The following TPD52L2 variants were observed in gnomAD, a reference collection of about 807,000 sequenced individuals.
TPD52L2 encodes TPD52 like 2.
In TPD52L2, 19 loss-of-function variants were observed where a neutral mutation model predicts 24.7. The observed-to-expected ratio is 0.77, with a 90% confidence interval of 0.54 to 1.13. TPD52L2 has a LOEUF of 1.13. Ranked by LOEUF, TPD52L2 falls within the 50% of genes most tolerant of loss-of-function variation. The pLI, the probability that TPD52L2 is intolerant of heterozygous loss-of-function variation, is 0.00. For synonymous variants in TPD52L2, 104 were observed against 100.2 expected, an observed-to-expected ratio of 1.04 and a Z score of -0.23; for missense variants, 236 against 250.4, an observed-to-expected ratio of 0.94 and a Z score of 0.39.
Position 63,869,300 on chromosome 20 carries a change from C to T in TPD52L2, c.24C>T (p.Ile8=). 6.2e-7 allele frequency: 1 copy of T among 1,614,130 alleles called. No individual in the cohort carries two copies. Among genetic ancestry groups the T allele is most frequent in the Non-Finnish European group, 8.5e-7 (1 of 1,179,992 alleles). ...GCCTCATTTTGTCTCTGGCAGATAT[C>T]AACCTGAATTCTCCTAACAAAGGTC... is the stretch of plus-strand genomic sequence containing the variant. MDSAGQD[I]NLNSPNKGLL... is the part of the protein sequence containing the mutation. Residue 8 remains isoleucine (I), a synonymous_variant, in exon 2 of 7, where the codon ATC becomes ATT. Coordinates refer to ENST00000346249, the MANE Select transcript of TPD52L2 (RefSeq NM_003288.4).
intron 3 of TPD52L2, 146 bp downstream of exon 3, chr20:63,873,962 C>T (rs2052564124): frequency 2.2e-6 from 2 of 919,564 alleles, no homozygotes; most frequent in Middle Eastern, 3.6e-4. Context: ...CAGAGAGAGG[C>T]TCTGAGCCCT....
At chr20:63,871,353 A>T (rs2052456413) in intron 2 of TPD52L2, among the ~76,000 whole-genome samples, 2 of 124,090 alleles carry the variant, frequency 1.6e-5, no homozygotes, top group East Asian at 2.5e-4. Flanking sequence ...AAGAAAGAGA[A>T]TTTTTTTTTT....
At chr20:63,871,465 T>A (rs568034385) in intron 2 of TPD52L2, among the ~76,000 whole-genome samples, 1 of 151,964 alleles carries the variant, frequency 6.6e-6, no homozygotes, top group Admixed American at 6.6e-5. Context: ...TTCTCTTGCC[T>A]CAGCCTCCCG....
intron 4 of TPD52L2, chr20:63,876,965 T>C (rs1192926349): frequency 2.2e-6 from 1 of 454,842 alleles, no homozygotes; most frequent in Non-Finnish European, 4.4e-6. Flanking sequence ...CAGCCAGCTG[T>C]ACATCTGGGT....
chr20:63,872,396 T>C (rs2052501494), intron 2 of TPD52L2, among the ~76,000 whole-genome samples: 1 of 152,122 alleles, frequency 6.6e-6, no homozygotes, highest in Admixed American at 6.6e-5. Context: ...TTGTTTGTTT[T>C]TGAAACAGTC....
rs1290846719 is a variant in TPD52L2 at position 63,889,997 on chromosome 20, C to G, written c.*52C>G. On this transcript the variant is annotated 3_prime_UTR_variant, in exon 7 of 7. Transcript: ENST00000346249. The stretch of plus-strand genomic sequence containing the variant: ...AGCACACGCAACCCAGCCTCAGCAT[C>G]ACAGCCGCAGCTCTGTTCAGCGGAG... 6.2e-7 allele frequency: 1 copy of G among 1,609,210 alleles called. No individual in the cohort carries two copies. Among genetic ancestry groups the G allele is most frequent in the Non-Finnish European group, 8.5e-7 (1 of 1,178,436 alleles).
At chr20:63,878,227 C>T (rs1420278995) in intron 4 of TPD52L2, among the ~76,000 whole-genome samples, 5 of 152,242 alleles carry the variant, frequency 3.3e-5, no homozygotes, top group Admixed American at 2.6e-4. Flanking sequence ...GGAAGGAGAA[C>T]GTGGCCGGTG....
At chr20:63,867,395 G>A (rs569048002) in intron 1 of TPD52L2, among the ~76,000 whole-genome samples, 66 of 152,168 alleles carry the variant, frequency 4.3e-4, no homozygotes, top group African/African-American at 1.5e-3. Context: ...CCAAAACCCC[G>A]TCTCTACTAA....
chr20:63,888,564 C>T (rs1485372614), intron 5 of TPD52L2: 1 of 135,062 alleles, frequency 7.4e-6, no homozygotes, highest in African/African-American at 2.9e-5. Context: ...CCGGGGTATC[C>T]CTGTAGGGGA....
intron 4 of TPD52L2, among the ~76,000 whole-genome samples, chr20:63,878,151 G>A (rs149645151): frequency 1.2e-3 from 176 of 152,386 alleles, no homozygotes; most frequent in South Asian, 6.0e-3. Context: ...GGCAGTAAAA[G>A]CTCCCTGCAT....
In TPD52L2 at chr20:63,865,402, C is replaced by T. The variant is rs2052173970; in HGVS notation, c.19+18C>T. On this transcript the variant is annotated intron_variant, in intron 1 of 6. Transcript: ENST00000346249. ...CGGCCAAGGTACCTGCCGGGCCCGG[C>T]CCCTTCGCCGCAGATGGGCCCAGGC... 2 of 1,528,472 alleles carry T rather than the reference C, an allele frequency of 1.3e-6. No individual in the cohort carries two copies. The highest frequency in any genetic ancestry group is 1.7e-6 in the Non-Finnish European group (2 of 1,143,104). The allele number at this position is 1,528,472 out of a possible 1,614,324, so 94.7% of individuals were successfully genotyped here. A position where few individuals can be genotyped will look rare whatever the true frequency, so the allele number is the denominator to read the frequency against.
intron 1 of TPD52L2, 46 bp downstream of exon 1, chr20:63,865,430 C>T (rs1479873526): frequency 3.3e-6 from 5 of 1,502,784 alleles, no homozygotes; most frequent in Non-Finnish European, 4.4e-6. Context: ...GCCCAGGCTG[C>T]CCGTTGTTCT....
chr20:63,887,130 C>T lies in TPD52L2; in HGVS notation c.477-2060C>T, dbSNP rs1480706109. On this transcript the variant is annotated intron_variant, in intron 5 of 6. Coordinates refer to ENST00000346249, the MANE Select transcript of TPD52L2 (RefSeq NM_003288.4). Reference sequence around the variant, plus strand: ...CAAGCTCCTCTAGGCCAAGCCGGGGCGCCGCCAGCACGTGCCCTTCTGCTG... The same window carrying T: ...CAAGCTCCTCTAGGCCAAGCCGGGGTGCCGCCAGCACGTGCCCTTCTGCTG... The T allele has an allele frequency of 1.7e-5, 5 of 296,456 alleles. No individual in the cohort carries two copies. The East Asian group carries it at 3.3e-4, about 19-fold the overall frequency. 18.4% of individuals were successfully genotyped at this position (296,456 alleles called of 1,614,324 possible). A position where few individuals can be genotyped will look rare whatever the true frequency, so the allele number is the denominator to read the frequency against.
intron 1 of TPD52L2, among the ~76,000 whole-genome samples, chr20:63,867,992 C>T (rs1023974652): frequency 2.9e-4 from 44 of 151,156 alleles, no homozygotes; most frequent in East Asian, 1.4e-3. Context: ...GGTGGCTCAA[C>T]GCCTGTAATC....
intron 5 of TPD52L2, among the ~76,000 whole-genome samples, chr20:63,886,644 C>T (rs148195991): frequency 0.037 from 5,380 of 144,288 alleles, 173 homozygotes; most frequent in Non-Finnish European, 0.057. Flanking sequence ...CCACCGCGCC[C>T]GGCCTTTTTT....
intron 1 of TPD52L2, among the ~76,000 whole-genome samples, chr20:63,868,270 T>C (rs930575371): frequency 2.0e-5 from 3 of 152,224 alleles, no homozygotes; most frequent in Non-Finnish European, 2.9e-5. Flanking sequence ...ACAATAGTCA[T>C]GTGCTTGGAT....
At position 63,877,823 on chromosome 20, in the gene TPD52L2, A is replaced by T. The variant is rs1031449592; in HGVS notation, c.374+1948A>T. Among the ~76,000 whole-genome samples the T allele has an allele frequency of 6.6e-6, 1 of 152,256 alleles. No individual in the cohort carries two copies. Among genetic ancestry groups the T allele is most frequent in the Non-Finnish European group, 1.5e-5 (1 of 68,040 alleles). ...CTGAGTTCTGTGGCGAGAGCTGTCA[A>T]CTGACGGTTCCAGAGTGGAAGCGTT... On this transcript the variant is annotated intron_variant, in intron 4 of 6. Coordinates refer to ENST00000346249, the MANE Select transcript of TPD52L2 (RefSeq NM_003288.4). This position sits in a 1 kb window ranked among gnomAD's most constrained non-coding sequence, Gnocchi z 4.1.
chr20:63,886,246 A>G (rs1361592332), intron 5 of TPD52L2, among the ~76,000 whole-genome samples: 2 of 151,008 alleles, frequency 1.3e-5, no homozygotes, highest in Non-Finnish European at 3.0e-5. Context: ...GCCCCCCGGA[A>G]CCCCCCGGCC....
chr20:63,890,183 TC>T lies in TPD52L2; in HGVS notation c.*240del, dbSNP rs1237400365. The T allele has an allele frequency of 6.4e-6, 6 of 935,648 alleles. No homozygotes were observed. The highest frequency in any genetic ancestry group is 9.3e-6 in the Non-Finnish European group (6 of 644,894). The allele number at this position is 935,648 out of a possible 1,614,324, so 58.0% of individuals were successfully genotyped here. On this transcript the variant is annotated 3_prime_UTR_variant, in exon 7 of 7. Coordinates refer to ENST00000346249, the MANE Select transcript of TPD52L2 (RefSeq NM_003288.4). ...ATGAAACAGATCACTGTGCTGTCCT[TC>T]CTAGGGGTGCAGGAAGTGGACAGGG...
Sources: allele counts gnomAD v4.1 joint callset (sites outside exome capture counted in the v4.1 genomes callset), GRCh38; gene constraint gnomAD v4.1.1; non-coding constraint Gnocchi (gnomAD v3.1); transcripts MANE v1.5; gene names NCBI Gene and HGNC (gene_info 2026-07-23, HGNC 2026-07-21).